The following ZNF24 variants were observed in gnomAD, a reference collection of about 807,000 sequenced individuals.
The protein encoded by ZNF24 is zinc finger protein 24.
In ZNF24, 11 loss-of-function variants were observed where a neutral mutation model predicts 40.9. That is an observed-to-expected ratio of 0.27 (90% CI 0.17 to 0.45). ZNF24 has a LOEUF of 0.45. Among genes scored for constraint, ZNF24 ranks in the 20% least tolerant of loss-of-function variants. ZNF24 has a pLI of 1.00. For synonymous variants in ZNF24, 139 were observed against 154.7 expected, an observed-to-expected ratio of 0.90 and a Z score of 0.75; for missense variants, 293 against 437.7, an observed-to-expected ratio of 0.67 and a Z score of 2.95.
In ZNF24 at chr18:35,332,240, T is replaced by C. The variant is rs2044865474; in HGVS notation, c.*4992A>G. The C allele has an allele frequency of 6.6e-6, 1 of 152,244 alleles. No individual in the cohort carries two copies. 9.4% of individuals were successfully genotyped at this position (152,244 alleles called of 1,614,324 possible). ...ACACAGGCCAAATCATGGAAGGCCA[T>C]GCTAATTTTATTAACTTATATAGTG... On this transcript the variant is annotated 3_prime_UTR_variant, in exon 4 of 4. Transcript: ENST00000261332.
intron 3 of ZNF24, chr18:35,339,219 CGTG>C (rs1555957934): frequency 5.5e-6 from 3 of 541,242 alleles, no homozygotes; most frequent in Non-Finnish European, 6.3e-6. Context: ...AGACTGGTCT[CGTG>C]AATTAATACA....
In ZNF24 at chr18:35,337,540, T is replaced by C; in HGVS notation, c.799A>G (p.Ile267Val). 1 of 1,614,200 alleles carries C rather than the reference T, an allele frequency of 6.2e-7. No individual in the cohort carries two copies. The highest frequency in any genetic ancestry group is 8.5e-7 in the Non-Finnish European group (1 of 1,180,000). Residue 267 changes from isoleucine to valine, a missense_variant, in exon 4 of 4, where the codon ATT (isoleucine) becomes GTT (valine). By Grantham distance (29) the Ile-to-Val change is conservative. Around this residue, in one of 2 missense-constraint regions of ZNF24, gnomAD observed 59 missense variants for 138.6 expected, o/e 0.43. Coordinates refer to ENST00000261332, the MANE Select transcript of ZNF24 (RefSeq NM_006965.4). ...CCACTGTGAATTCTTTGATGAAGAATAAGGGCTGAGCCCTGACTGAAGTGT... is the reference window on the plus strand; with the variant it reads ...CCACTGTGAATTCTTTGATGAAGAACAAGGGCTGAGCCCTGACTGAAGTGT... ...GKHFSQGSAL[I>V]LHQRIHSGEK...
chr18:35,337,244 A>G lies in ZNF24; in HGVS notation c.1095T>C (p.Val365=). The change falls in exon 4 of 4, where the codon GTT becomes GTC. Residue 365 remains valine, a synonymous_variant. Transcript: ENST00000261332. ...TTTTTTCAATTTCTTAAACTTTCAC[A>G]ACATTCAGAAGTTTTTCTGCATTGT... ...RRHNAEKLLN[V]VKV is the part of the protein sequence containing the mutation. 1 of 1,424,076 alleles carries G rather than the reference A, an allele frequency of 7.0e-7. No individual in the cohort carries two copies. Among genetic ancestry groups the G allele is most frequent in the Non-Finnish European group, 9.3e-7 (1 of 1,079,040 alleles). The allele number at this position is 1,424,076 out of a possible 1,614,324, so 88.2% of individuals were successfully genotyped here.
In ZNF24 at chr18:35,336,188, G is replaced by A. The variant is rs1396720937; in HGVS notation, c.*1044C>T. The A allele has an allele frequency of 6.6e-6, 1 of 152,628 alleles. No individual in the cohort carries two copies. The allele number at this position is 152,628 out of a possible 1,614,324, so 9.5% of individuals were successfully genotyped here. A position where few individuals can be genotyped will look rare whatever the true frequency, so the allele number is the denominator to read the frequency against. On this transcript the variant is annotated 3_prime_UTR_variant, in exon 4 of 4. Transcript: ENST00000261332. Reference sequence around the variant, plus strand: ...CAGTACCTAGCACAGTGCCTTGTCGGTAGAAAATGTTTAATAATAAATGCA... The same window carrying A: ...CAGTACCTAGCACAGTGCCTTGTCGATAGAAAATGTTTAATAATAAATGCA...
At position 35,336,378 on chromosome 18, in the gene ZNF24, T is replaced by C. The variant is rs1160933210; in HGVS notation, c.*854A>G. 1.3e-5 allele frequency: 2 copies of C among 152,306 alleles called. No individual in the cohort carries two copies. Among genetic ancestry groups the C allele is most frequent in the Admixed American group, 6.5e-5 (1 of 15,280 alleles). 9.4% of individuals were successfully genotyped at this position (152,306 alleles called of 1,614,324 possible). A position where few individuals can be genotyped will look rare whatever the true frequency, so the allele number is the denominator to read the frequency against. On this transcript the variant is annotated 3_prime_UTR_variant, in exon 4 of 4. Transcript: ENST00000261332. ...TTTTCTAAAAGCCATGACAGACCAT[T>C]ACCCTTATGTTTACATTTGCCTTCA...
rs765450091 is a variant in ZNF24, at chr18:35,339,885, G to C, written c.512C>G (p.Ala171Gly). ...TGCCCACTTGAGCTGGTTCTCCACA[G>C]CATCAAGCTCAGAACTTGGTAATCC... ...AQGLPSSELD[A>G]VENQLKWASW... Residue 171 changes from alanine (A) to glycine (G), a missense_variant, in exon 3 of 4, where the codon GCT (alanine) becomes GGT (glycine). Around this residue, in one of 2 missense-constraint regions of ZNF24, gnomAD observed 234 missense variants for 299.2 expected, o/e 0.78. Transcript: ENST00000261332. The C allele has an allele frequency of 1.2e-6, 2 of 1,613,194 alleles. No individual in the cohort carries two copies. Among genetic ancestry groups the C allele is most frequent in the Non-Finnish European group, 1.7e-6 (2 of 1,179,204 alleles).
At position 35,339,901 on chromosome 18, in the gene ZNF24, T is replaced by C. The variant is rs149270186; in HGVS notation, c.496A>G (p.Ser166Gly). 67 of 1,613,480 alleles carry C rather than the reference T, an allele frequency of 4.2e-5. No individual in the cohort carries two copies. Among genetic ancestry groups the C allele is most frequent in the Non-Finnish European group, 5.3e-5 (63 of 1,179,560 alleles). Residue 166 changes from serine to glycine, a missense_variant, in exon 3 of 4, where the codon AGT becomes GGT. By Grantham distance (56) the Ser-to-Gly change is moderately conservative (BLOSUM62 0). Around this residue, in one of 2 missense-constraint regions of ZNF24, gnomAD observed 234 missense variants for 299.2 expected, o/e 0.78. Coordinates refer to ENST00000261332, the MANE Select transcript of ZNF24 (RefSeq NM_006965.4). ...TTCTCCACAGCATCAAGCTCAGAAC[T>C]TGGTAATCCCTGAGCTTCTTCTTGA... ...VSQEEAQGLPSSELDAVENQL... is the reference protein window; with the variant it reads ...VSQEEAQGLPGSELDAVENQL...
At position 35,337,388 on chromosome 18, in the gene ZNF24, G is replaced by A. The variant is rs754338682; in HGVS notation, c.951C>T (p.Ser317=). The A allele has an allele frequency of 1.8e-5, 29 of 1,613,848 alleles. No individual in the cohort carries two copies. The Admixed American group carries it at 4.7e-4, about 26-fold the overall frequency. Residue 317 remains serine (S), a synonymous_variant, in exon 4 of 4, where the codon AGC becomes AGT. Coordinates refer to ENST00000261332, the MANE Select transcript of ZNF24 (RefSeq NM_006965.4). ...YKCLECGKAF[S]QNSGLINHQR... ...GATGATTAATAAGCCCCGAATTCTGGCTAAAGGCTTTCCCACATTCAAGAC... is the reference window on the plus strand; with the variant it reads ...GATGATTAATAAGCCCCGAATTCTGACTAAAGGCTTTCCCACATTCAAGAC...
intron 1 of ZNF24, among the ~76,000 whole-genome samples, chr18:35,343,392 T>G (rs8087196): frequency 0.9 from 137,455 of 152,182 alleles, 62,575 homozygotes; most frequent in Non-Finnish European, 0.93. Context: ...CTACCTTCAG[T>G]GAAACTGTAT....
intron 1 of ZNF24, among the ~76,000 whole-genome samples, chr18:35,344,105 G>T (rs1025852838): frequency 3.3e-5 from 5 of 152,134 alleles, no homozygotes; most frequent in Admixed American, 2.0e-4. Flanking sequence ...ACCGGCCGGT[G>T]GGGGAGGGGG....
At position 35,340,819 on chromosome 18, in the gene ZNF24, GTTCT is replaced by G; in HGVS notation, c.-83-90_-83-87del. On this transcript the variant is annotated intron_variant, in intron 1 of 3. Coordinates refer to ENST00000261332, the MANE Select transcript of ZNF24 (RefSeq NM_006965.4). This position sits in a 1 kb window ranked among gnomAD's most constrained non-coding sequence, Gnocchi z 4.6. ...ATACTGGTAAAAGTAAAAGATACTTGTTCTTTGAGTTAAAAATTCCAATCAATAA... is the reference window on the plus strand; with the variant it reads ...ATACTGGTAAAAGTAAAAGATACTTGTTGAGTTAAAAATTCCAATCAATAA... 2 of 641,318 alleles carry G rather than the reference GTTCT, an allele frequency of 3.1e-6. No individual in the cohort carries two copies. The highest frequency in any genetic ancestry group is 5.0e-6 in the Non-Finnish European group (2 of 397,102). The allele number at this position is 641,318 out of a possible 1,614,324, so 39.7% of individuals were successfully genotyped here.
rs776287835 is a variant in ZNF24, at chr18:35,340,344, T to C, written c.307A>G (p.Ile103Val). The C allele has an allele frequency of 6.2e-7, 1 of 1,614,224 alleles. No homozygotes were observed. ...ELVVLEQFVA[I>V]LPKELQTWVR... ...CAAGTCTGTAGCTCTTTGGGTAGGA[T>C]GGCAACAAACTGCTCCAGCACTACC... Residue 103 changes from isoleucine to valine, a missense_variant, in exon 2 of 4, where the codon ATC becomes GTC. Around this residue, in one of 2 missense-constraint regions of ZNF24, gnomAD observed 234 missense variants for 299.2 expected, o/e 0.78. Transcript: ENST00000261332. This position sits in a 1 kb window ranked among gnomAD's most constrained non-coding sequence, Gnocchi z 4.6.
At position 35,334,612 on chromosome 18, in the gene ZNF24, CT is replaced by C. The variant is rs1242232082; in HGVS notation, c.*2619del. On this transcript the variant is annotated 3_prime_UTR_variant, in exon 4 of 4. Coordinates refer to ENST00000261332, the MANE Select transcript of ZNF24 (RefSeq NM_006965.4). ...CAGCAATCTGCATGACCTAAAATGA[CT>C]GCTCATTTGCTAACCAAACAGATAC... The C allele has an allele frequency of 6.6e-6, 1 of 151,974 alleles. No homozygotes were observed. The highest frequency in any genetic ancestry group is 1.5e-5 in the Non-Finnish European group (1 of 68,004). 9.4% of individuals were successfully genotyped at this position (151,974 alleles called of 1,614,324 possible).
In ZNF24 at chr18:35,340,156, T is replaced by A. The variant is rs1447287784; in HGVS notation, c.420+75A>T. The A allele has an allele frequency of 6.5e-7, 1 of 1,542,178 alleles. No individual in the cohort carries two copies. Among genetic ancestry groups the A allele is most frequent in the Non-Finnish European group, 8.8e-7 (1 of 1,135,980 alleles). Reference sequence around the variant, plus strand: ...TAAACATAATTCTAACTTAGTTGAGTGGAATTAATTCAGCAGCTTTGCCTA... The same window carrying A: ...TAAACATAATTCTAACTTAGTTGAGAGGAATTAATTCAGCAGCTTTGCCTA... On this transcript the variant is annotated intron_variant, in intron 2 of 3. Transcript: ENST00000261332. This position sits in a 1 kb window ranked among gnomAD's most constrained non-coding sequence, Gnocchi z 4.6.
chr18:35,335,695 C>T lies in ZNF24; in HGVS notation c.*1537G>A, dbSNP rs1015863584. On this transcript the variant is annotated 3_prime_UTR_variant, in exon 4 of 4. Transcript: ENST00000261332. ...AACCACAGTACTTGGAATTCTCAGC[C>T]AAGGAGTATATAATCCTACTACTAC... 2.6e-5 allele frequency: 4 copies of T among 151,920 alleles called. No individual in the cohort carries two copies. The highest frequency in any genetic ancestry group is 2.6e-4 in the Admixed American group (4 of 15,252). The allele number at this position is 151,920 out of a possible 1,614,324, so 9.4% of individuals were successfully genotyped here.
At position 35,337,779 on chromosome 18, in the gene ZNF24, A is replaced by T. The variant is rs2044925426; in HGVS notation, c.569-9T>A. ...AGTCCTACCATCATCATCTGAAATA[A>T]ACAGAAAATGTAAATATCATTCATT... On this transcript the variant is annotated splice_polypyrimidine_tract_variant and intron_variant, in intron 3 of 3. Transcript: ENST00000261332. 6.5e-7 allele frequency: 1 copy of T among 1,539,792 alleles called. No individual in the cohort carries two copies.
At chr18:35,344,186 G>A (rs552329732) in intron 1 of ZNF24, among the ~76,000 whole-genome samples, 174 bp downstream of exon 1, 2 of 152,274 alleles carry the variant, frequency 1.3e-5, no homozygotes, top group Admixed American at 6.5e-5. Context: ...AAGCAGGCCT[G>A]CCGCCTACCC....
chr18:35,338,282 G>C (rs1383274726), intron 3 of ZNF24: 1 of 985,456 alleles, frequency 1.0e-6, no homozygotes, highest in Non-Finnish European at 1.2e-6. Context: ...CAGAACACAG[G>C]AGTCTTGACA....
intron 3 of ZNF24, 115 bp downstream of exon 3, chr18:35,339,712 CTG>C: frequency 1.1e-6 from 1 of 908,552 alleles, no homozygotes; most frequent in East Asian, 2.8e-5. Flanking sequence ...CAGAAAAAAA[CTG>C]AGATATTAGA....
Sources: allele counts gnomAD v4.1 joint callset (sites outside exome capture counted in the v4.1 genomes callset), GRCh38; gene constraint gnomAD v4.1.1; regional missense constraint gnomAD v4.1.1; non-coding constraint Gnocchi (gnomAD v3.1); transcripts MANE v1.5; gene names NCBI Gene and HGNC (gene_info 2026-07-23, HGNC 2026-07-21).